The following SNX25 variants were observed in gnomAD, a reference collection of about 807,000 sequenced individuals.
The protein encoded by SNX25 is sorting nexin 25.
SNX25 carries 62 observed loss-of-function variants against 113.7 expected under a neutral mutation model. The observed-to-expected ratio is 0.55, with a 90% CI of 0.44 to 0.67. The LOEUF (loss-of-function observed/expected upper bound fraction) is 0.67, where lower values mean the gene tolerates loss of function less well. Among genes scored for constraint, SNX25 ranks in the 30% least tolerant of loss-of-function variants. The pLI is 0.00. For missense variants in SNX25, 1,014 were observed against 1,161.0 expected (o/e 0.87, Z 1.84); for synonymous variants, 421 against 436.2 (o/e 0.97, Z 0.43).
chr4:185,346,327 A>T (rs2095286393), intron 12 of SNX25, among the ~76,000 whole-genome samples: 1 of 152,032 alleles, frequency 6.6e-6, no homozygotes, highest in Non-Finnish European at 1.5e-5. Flanking sequence ...GCTCCCGGGG[A>T]TCTGTAGGTT....
At chr4:185,337,734 T>C (rs1339869262) in intron 10 of SNX25, among the ~76,000 whole-genome samples, 2 of 152,214 alleles carry the variant, frequency 1.3e-5, no homozygotes, top group Non-Finnish European at 1.5e-5. Context: ...AGGGTTCCAA[T>C]CTCTCCATGT....
intron 1 of SNX25, among the ~76,000 whole-genome samples, chr4:185,245,391 G>A (rs12651618): frequency 0.34 from 50,693 of 151,154 alleles, 10,235 homozygotes; most frequent in East Asian, 0.54. Flanking sequence ...AGGCTGGAGT[G>A]CAGTGGCGAG....
intron 1 of SNX25, among the ~76,000 whole-genome samples, chr4:185,212,166 A>G (rs1737921745): frequency 6.6e-6 from 1 of 152,100 alleles, no homozygotes; most frequent in African/African-American, 2.4e-5. Flanking sequence ...GGGGCTGGGC[A>G]CAGGTTTCAC....
intron 5 of SNX25, among the ~76,000 whole-genome samples, chr4:185,284,256 G>A (rs1390221807): frequency 6.6e-6 from 1 of 152,136 alleles, no homozygotes; most frequent in East Asian, 1.9e-4. Context: ...ATTCTTTGAA[G>A]GTGTATTAGG....
intron 10 of SNX25, among the ~76,000 whole-genome samples, chr4:185,333,436 C>T (rs2095209183): frequency 6.6e-6 from 1 of 152,196 alleles, no homozygotes; most frequent in African/African-American, 2.4e-5. Context: ...ATTGGGTTTT[C>T]TGTGAGCAGG....
intron 3 of SNX25, among the ~76,000 whole-genome samples, chr4:185,261,110 G>GTC (rs1209252584): frequency 4.4e-5 from 6 of 135,030 alleles, no homozygotes; most frequent in Admixed American, 1.5e-4. Flanking sequence ...CTGTCTGTCT[G>GTC]TCTCTGTGTG....
At chr4:185,351,353 G>C in intron 13 of SNX25, 92 bp from the exon 14 acceptor site, 1 of 1,359,542 alleles carries the variant, frequency 7.4e-7, no homozygotes. Context: ...AAGTAAATTC[G>C]TGACAGCTCT....
intron 10 of SNX25, among the ~76,000 whole-genome samples, chr4:185,335,537 C>T (rs2095224491): frequency 6.6e-6 from 1 of 152,112 alleles, no homozygotes; most frequent in South Asian, 2.1e-4. Context: ...CACAGAATGC[C>T]AGTGGTTTGC....
At position 185,280,699 on chromosome 4, in the gene SNX25, T is replaced by C. The variant is rs1235577519; in HGVS notation, c.1092-7313T>C. ...CTGCCATGGCAGTAAAATGTCATAA[T>C]GATACCCTTCTTTGTGCTTTCGTGT... On this transcript the variant is annotated intron_variant, in intron 5 of 18. Transcript: ENST00000652585. 2.0e-5 allele frequency among the ~76,000 whole-genome samples: 3 copies of C among 152,350 alleles called. No homozygotes were observed. The East Asian group carries it at 5.8e-4, about 29-fold the overall frequency.
At chr4:185,286,498 AG>A (rs1751369310) in intron 5 of SNX25, among the ~76,000 whole-genome samples, 1 of 152,206 alleles carries the variant, frequency 6.6e-6, no homozygotes, top group African/African-American at 2.4e-5. Flanking sequence ...AAATGAGGGA[AG>A]GGTGAGGACT....
intron 5 of SNX25, among the ~76,000 whole-genome samples, chr4:185,268,994 A>G (rs1748531524): frequency 6.6e-6 from 1 of 152,206 alleles, no homozygotes; most frequent in Non-Finnish European, 1.5e-5. Flanking sequence ...CTTGCCATGC[A>G]TAATTTTGAA....
chr4:185,272,079 G>A (rs999102494), intron 5 of SNX25, among the ~76,000 whole-genome samples: 1 of 152,170 alleles, frequency 6.6e-6, no homozygotes, highest in Non-Finnish European at 1.5e-5. Context: ...AAGATGTGGT[G>A]GCTATACTGG....
At chr4:185,375,487 A>AAAAAAAAATATATATATATAT in the SNX25 span, 1 of 12,016 alleles carries the variant, frequency 8.3e-5, no homozygotes, top group East Asian at 2.6e-3. Flanking sequence ...AAAAAAAAAA[A>AAAAAAAAATATATATATATAT]ATATATATAT....
chr4:185,248,368 A>C (rs1298184582), intron 2 of SNX25, among the ~76,000 whole-genome samples: 1 of 152,202 alleles, frequency 6.6e-6, no homozygotes, highest in Non-Finnish European at 1.5e-5. Context: ...TTTTTAGAGT[A>C]CAGGATTGGC....
Position 185,264,486 on chromosome 4 carries a change from C to T in SNX25, c.780C>T (p.Asn260=), listed in dbSNP as rs1747774853. The part of the protein sequence containing the change: ...RPFVLHACLR[N]SDDEVRFLQT... ...TTGTGTTGCACGCATGCTTGAGGAA[C>T]TCAGATGATGAAGTAAGATTTCTAC... Residue 260 remains asparagine, a synonymous_variant, in exon 4 of 19, where the codon AAC becomes AAT. Coordinates refer to ENST00000652585, the MANE Select transcript of SNX25 (RefSeq NM_001378034.2). 6.2e-7 allele frequency: 1 copy of T among 1,613,732 alleles called. No homozygotes were observed. The highest frequency in any genetic ancestry group is 1.3e-5 in the African/African-American group (1 of 74,908).
At chr4:185,258,802 T>C in intron 2 of SNX25, 46 bp from the exon 3 acceptor site, 1 of 1,503,878 alleles carries the variant, frequency 6.6e-7, no homozygotes, top group African/African-American at 1.4e-5. Context: ...TCTTGGTGTT[T>C]GCTTCTTTCA....
At chr4:185,309,173 C>A (rs528500778) in intron 6 of SNX25, among the ~76,000 whole-genome samples, 116 of 152,216 alleles carry the variant, frequency 7.6e-4, no homozygotes, top group African/African-American at 2.8e-3. Flanking sequence ...GTTCGGGGAG[C>A]CTCGGTTCCT....
chr4:185,305,290 C>T (rs192787641), intron 6 of SNX25, among the ~76,000 whole-genome samples: 29 of 152,302 alleles, frequency 1.9e-4, no homozygotes, highest in African/African-American at 7.0e-4. Flanking sequence ...GGTTGAGAAA[C>T]CCTGCCCTGT....
intron 2 of SNX25, among the ~76,000 whole-genome samples, chr4:185,251,617 G>A (rs1007770727): frequency 3.6e-5 from 3 of 82,682 alleles, no homozygotes; most frequent in Admixed American, 1.7e-4. Context: ...GTGTGTGTGT[G>A]TGTGTGTGTG....
Sources: gnomAD v4.1 joint callset for allele counts (sites outside exome capture counted in the v4.1 genomes callset) on GRCh38, gnomAD v4.1.1 for gene constraint, MANE v1.5 for transcripts, NCBI Gene and HGNC (gene_info 2026-07-23, HGNC 2026-07-21) for gene names.